Variants in ADA observed in about 807,000 individuals in gnomAD.
ADA encodes adenosine aminohydrolase.
Under a neutral mutation model 49.0 loss-of-function variants are expected in ADA, and 45 were observed. That is an observed-to-expected ratio of 0.92 (90% CI 0.72 to 1.18). The LOEUF (loss-of-function observed/expected upper bound fraction) is 1.18, where lower values mean the gene tolerates loss of function less well. Among genes scored for constraint, ADA ranks in the 50% most tolerant of loss-of-function variants. ADA has a pLI of 0.00. For missense variants in ADA, 445 were observed against 472.5 expected (o/e 0.94, Z 0.54); for synonymous variants, 173 against 184.2 (o/e 0.94, Z 0.49).
intron 1 of ADA, among the ~76,000 whole-genome samples, chr20:44,641,841 C>T (rs1296167084): frequency 6.6e-6 from 1 of 151,362 alleles, no homozygotes; most frequent in Non-Finnish European, 1.5e-5. Context: ...GATCTCAGCT[C>T]ATTGCAGCCT....
chr20:44,623,947 A>G, intron 6 of ADA: 1 of 499,502 alleles, frequency 2.0e-6, no homozygotes, highest in Non-Finnish European at 3.9e-6. Context: ...GGATCTCACT[A>G]TGTTGCCCTG....
intron 1 of ADA, among the ~76,000 whole-genome samples, chr20:44,638,641 T>C (rs73909570): frequency 0.068 from 10,324 of 152,236 alleles, 1,136 homozygotes; most frequent in African/African-American, 0.23. Context: ...GGATGCTAGA[T>C]TGTAGAGTTA....
At chr20:44,628,684 C>T (rs1349324437) in intron 3 of ADA, among the ~76,000 whole-genome samples, 1 of 152,030 alleles carries the variant, frequency 6.6e-6, no homozygotes, top group African/African-American at 2.4e-5. Context: ...AGAATCTTCC[C>T]CACATCTCCC....
Position 44,651,562 on chromosome 20 carries a change from C to G in ADA, c.33+13G>C, listed in dbSNP as rs762896507. On this transcript the variant is annotated intron_variant, in intron 1 of 11. Coordinates refer to ENST00000372874, the MANE Select transcript of ADA (RefSeq NM_000022.4). Reference sequence around the variant, plus strand: ...GCCGGACCCCCGTCCCCGGAGCCCCCGCGCGCGCTCACTTTGGGCTTGTCG... The same window carrying G: ...GCCGGACCCCCGTCCCCGGAGCCCCGGCGCGCGCTCACTTTGGGCTTGTCG... 1.3e-6 allele frequency: 2 copies of G among 1,535,436 alleles called. No homozygotes were observed. Among genetic ancestry groups the G allele is most frequent in the Non-Finnish European group, 1.7e-6 (2 of 1,147,388 alleles).
intron 10 of ADA, 140 bp downstream of exon 10, chr20:44,620,878 A>C: frequency 8.6e-7 from 1 of 1,163,296 alleles, no homozygotes; most frequent in Non-Finnish European, 1.3e-6. Flanking sequence ...TTCTCTGTGG[A>C]AAGTGTCTAG....
chr20:44,624,014 G>T, intron 6 of ADA, 188 bp downstream of exon 6: 1 of 775,576 alleles, frequency 1.3e-6, no homozygotes, highest in Non-Finnish European at 2.1e-6. Flanking sequence ...CCAAAGTGCT[G>T]GGATCACAGG....
intron 1 of ADA, among the ~76,000 whole-genome samples, chr20:44,642,939 G>A (rs2065551353): frequency 6.6e-6 from 1 of 152,142 alleles, no homozygotes; most frequent in Admixed American, 6.5e-5. Flanking sequence ...TGCCCACCAT[G>A]ACCAGTAGCA....
At chr20:44,621,526 T>C (rs1367260840) in intron 9 of ADA, among the ~76,000 whole-genome samples, 2 of 152,138 alleles carry the variant, frequency 1.3e-5, no homozygotes, top group Non-Finnish European at 2.9e-5. Flanking sequence ...TCAGTCCCAC[T>C]GGGAGCTGGC....
At chr20:44,646,648 AG>A (rs1457600375) in intron 1 of ADA, among the ~76,000 whole-genome samples, 1 of 151,986 alleles carries the variant, frequency 6.6e-6, no homozygotes, top group African/African-American at 2.4e-5. Flanking sequence ...CCCATTTTAC[AG>A]AGGGGGAAGC....
intron 1 of ADA, among the ~76,000 whole-genome samples, chr20:44,641,319 C>T (rs764844484): frequency 1.8e-4 from 28 of 151,998 alleles, no homozygotes; most frequent in Non-Finnish European, 2.9e-4. Context: ...GAACCACTGC[C>T]GTAGAGGAAC....
rs244076 is a variant in ADA, at chr20:44,624,274, T to C, written c.534A>G (p.Val178=). 0.19 allele frequency: 303,107 copies of C among 1,613,656 alleles called. 31,178 individuals are homozygous for C. Among genetic ancestry groups the C allele is most frequent in the African/African-American group, 0.42 (31,392 of 74,906 alleles). Residue 178 remains valine, a synonymous_variant, in exon 6 of 12, where the codon GTA becomes GTG. Transcript: ENST00000372874. ...LCKKYQQQTV[V]AIDLAGDETI... Reference sequence around the variant, plus strand: ...TCTCATCTCCAGCCAGGTCAATGGCTACCACGGTCTGCTGCTGGTACTTCT... The same window carrying C: ...TCTCATCTCCAGCCAGGTCAATGGCCACCACGGTCTGCTGCTGGTACTTCT...
In ADA at chr20:44,632,974, G is replaced by A. The variant is rs575083091; in HGVS notation, c.95+3253C>T. 3.1e-4 allele frequency among the ~76,000 whole-genome samples: 47 copies of A among 152,332 alleles called. 1 individual carries two copies. In the South Asian group the frequency reaches 8.3e-3, roughly 27 times the overall value. ...CTCCCAAAGTGCTGGGATTACAGGC[G>A]TGAGCCACCATGCACGCTCTGTTCT... On this transcript the variant is annotated intron_variant, in intron 2 of 11. Transcript: ENST00000372874.
chr20:44,624,210 C>T lies in ADA; in HGVS notation c.598G>A (p.Ala200Thr). The change falls in exon 6 of 12, where the codon GCC (alanine) becomes ACC (threonine). Residue 200 changes from alanine (A) to threonine (T), a missense_variant. Physicochemically the swap from Ala to Thr is moderately conservative, Grantham distance 58. Transcript: ENST00000372874. ...GSSLLPGHVQAYQEAVKSGIH... is the reference protein window; with the variant it reads ...GSSLLPGHVQTYQEAVKSGIH... Reference sequence around the variant, plus strand: ...CTTCTCACAGGACCCACCTGGTAGGCCTGGACATGTCCAGGCAAGAGGCTG... The same window carrying T: ...CTTCTCACAGGACCCACCTGGTAGGTCTGGACATGTCCAGGCAAGAGGCTG... 1 of 1,612,034 alleles carries T rather than the reference C, an allele frequency of 6.2e-7. No individual in the cohort carries two copies. The highest frequency in any genetic ancestry group is 1.1e-5 in the South Asian group (1 of 90,674).
intron 1 of ADA, among the ~76,000 whole-genome samples, chr20:44,640,836 T>C (rs1156717754): frequency 6.6e-6 from 1 of 151,720 alleles, no homozygotes; most frequent in African/African-American, 2.4e-5. Flanking sequence ...AGCAGCAACG[T>C]GACCTCAGAG....
chr20:44,624,131 T>G, intron 6 of ADA, 71 bp downstream of exon 6: 5 of 1,548,012 alleles, frequency 3.2e-6, no homozygotes, highest in Non-Finnish European at 4.4e-6. Flanking sequence ...GTTCTTGTGA[T>G]TTCTCCCAAC....
intron 2 of ADA, among the ~76,000 whole-genome samples, chr20:44,634,137 G>A (rs1300572901): frequency 1.3e-5 from 2 of 152,164 alleles, no homozygotes; most frequent in Non-Finnish European, 2.9e-5. Flanking sequence ...CCCAGCCCCT[G>A]GCTGCAGCTG....
chr20:44,621,504 C>G (rs1455373244), intron 9 of ADA, among the ~76,000 whole-genome samples: 2 of 152,110 alleles, frequency 1.3e-5, no homozygotes, highest in African/African-American at 4.8e-5. Context: ...TGCACCCTAC[C>G]CTGCTTGTTC....
intron 1 of ADA, among the ~76,000 whole-genome samples, chr20:44,650,998 C>T (rs2065639801): frequency 1.3e-5 from 2 of 152,190 alleles, no homozygotes; most frequent in African/African-American, 4.8e-5. Flanking sequence ...CTGCTAGGGC[C>T]CCAAACCCAG....
Position 44,625,672 on chromosome 20 carries a change from G to C in ADA, c.375C>G (p.Thr125=), listed in dbSNP as rs766539394. 137 of 1,563,170 alleles carry C rather than the reference G, an allele frequency of 8.8e-5. No individual in the cohort carries two copies. Among genetic ancestry groups the C allele is most frequent in the Non-Finnish European group, 1.1e-4 (128 of 1,153,056 alleles). The change falls in exon 5 of 12, where the codon ACC becomes ACG. Residue 125 remains threonine (T), a synonymous_variant. Coordinates refer to ENST00000372874, the MANE Select transcript of ADA (RefSeq NM_000022.4). ...IPWNQAEGDL[T]PDEVVALVGQ... ...CCACTAGGGCCACCACCTCGTCTGG[G>C]GTGAGGTCCCCTCTGTGTGAGGAGA...
Sources: allele counts gnomAD v4.1 joint callset (sites outside exome capture counted in the v4.1 genomes callset), GRCh38; gene constraint gnomAD v4.1.1; transcripts MANE v1.5; gene names NCBI Gene and HGNC (gene_info 2026-07-23, HGNC 2026-07-21).